Variants in NT5M observed in about 807,000 individuals in gnomAD.
The protein encoded by NT5M is 5'(3')-deoxyribonucleotidase, mitochondrial.
A neutral mutation model predicts 22.2 loss-of-function variants in NT5M; 22 were observed. The observed-to-expected ratio is 0.99, with a 90% confidence interval of 0.71 to 1.41. The LOEUF is 1.41. NT5M is among the 40% of genes most tolerant of loss of function. The pLI is 0.00. For missense variants in NT5M, 322 were observed against 314.8 expected (o/e 1.02, Z -0.17); for synonymous variants, 167 against 133.0 (o/e 1.26, Z -1.76).
At chr17:17,333,463 C>G (rs2049429984) in intron 3 of NT5M, 1 of 152,328 alleles carries the variant, frequency 6.6e-6, no homozygotes, top group African/African-American at 2.4e-5. Context: ...GCCGCCATGC[C>G]AAGCTAATTT....
chr17:17,314,480 G>T (rs781735245), intron 2 of NT5M, among the ~76,000 whole-genome samples: 1 of 152,092 alleles, frequency 6.6e-6, no homozygotes, highest in African/African-American at 2.4e-5. Flanking sequence ...CTTTTGAAGT[G>T]CACCCCCCTA....
chr17:17,323,114 G>C, intron 2 of NT5M, 71 bp from the exon 3 acceptor site: 1 of 1,211,772 alleles, frequency 8.3e-7, no homozygotes, highest in East Asian at 2.3e-5. Flanking sequence ...TGAAGGCAGG[G>C]CAGGTGGTGA....
rs537314998 is a variant in NT5M at position 17,314,892 on chromosome 17, G to A, written c.368+8249G>A. On this transcript the variant is annotated intron_variant, in intron 2 of 4. Transcript: ENST00000389022. ...GGCCTTCCCTGACCACTGCAGCTGA[G>A]GTCTCTGCCCTCCCCTCCTGGTCGT... Among the ~76,000 whole-genome samples the A allele has an allele frequency of 2.6e-3, 393 of 152,290 alleles. 1 individual carries two copies. The highest frequency in any genetic ancestry group is 4.0e-3 in the Non-Finnish European group (270 of 68,024).
chr17:17,306,579 T>C lies in NT5M; in HGVS notation c.304T>C (p.Phe102Leu). The change falls in exon 2 of 5, where the codon TTT becomes CTT. Residue 102 changes from phenylalanine (F) to leucine (L), a missense_variant. Physicochemically the swap from Phe to Leu is conservative, Grantham distance 22. Transcript: ENST00000389022. ...AISIWESKNF[F>L]FELEPLPGAV... ...CAGCATTTGGGAGTCAAAGAATTTC[T>C]TTTTTGAACTTGAGCCTCTGCCAGG... 1.9e-6 allele frequency: 3 copies of C among 1,613,954 alleles called. No homozygotes were observed. The highest frequency in any genetic ancestry group is 2.5e-6 in the Non-Finnish European group (3 of 1,179,942).
At chr17:17,311,301 G>A (rs2048917502) in intron 2 of NT5M, among the ~76,000 whole-genome samples, 1 of 151,424 alleles carries the variant, frequency 6.6e-6, no homozygotes, top group Non-Finnish European at 1.5e-5. Context: ...TTGCGCCACT[G>A]GACTCCAGCC....
chr17:17,314,185 C>T (rs1160990127), intron 2 of NT5M, among the ~76,000 whole-genome samples: 1 of 152,100 alleles, frequency 6.6e-6, no homozygotes, highest in African/African-American at 2.4e-5. Flanking sequence ...GGGCGCCCGC[C>T]ACCACGCCCG....
chr17:17,334,268 G>A (rs957490617), intron 3 of NT5M, among the ~76,000 whole-genome samples: 3 of 150,972 alleles, frequency 2.0e-5, no homozygotes, highest in East Asian at 2.0e-4. Context: ...TGCCTGGCTC[G>A]TTTTGAGTTA....
At chr17:17,318,511 C>T (rs985637613) in intron 2 of NT5M, among the ~76,000 whole-genome samples, 3 of 133,204 alleles carry the variant, frequency 2.3e-5, no homozygotes, top group Non-Finnish European at 3.2e-5. Flanking sequence ...AAAGTCTGGG[C>T]GCAGTGGCTC....
At chr17:17,319,180 C>T (rs1248180385) in intron 2 of NT5M, among the ~76,000 whole-genome samples, 1 of 150,018 alleles carries the variant, frequency 6.7e-6, no homozygotes, top group Non-Finnish European at 1.5e-5. Flanking sequence ...AGCTACTGCA[C>T]TCCAGCCTGG....
Position 17,321,865 on chromosome 17 carries a change from G to C in NT5M, c.369-1320G>C, listed in dbSNP as rs146442544. On this transcript the variant is annotated intron_variant, in intron 2 of 4. Coordinates refer to ENST00000389022, the MANE Select transcript of NT5M (RefSeq NM_020201.4). ...CCACGAGGCTGAAGAGTTGAGTACAGAATGAGATAATGCATTTGCTGAAGC... is the reference window on the plus strand; with the variant it reads ...CCACGAGGCTGAAGAGTTGAGTACACAATGAGATAATGCATTTGCTGAAGC... 9.2e-3 allele frequency among the ~76,000 whole-genome samples: 1,394 copies of C among 152,078 alleles called. 17 individuals are homozygous for C. Among genetic ancestry groups the C allele is most frequent in the Middle Eastern group, 0.017 (5 of 294 alleles).
Position 17,304,406 on chromosome 17 carries a change from A to T in NT5M, c.267+589A>T, listed in dbSNP as rs530766540. On this transcript the variant is annotated intron_variant, in intron 1 of 4. Coordinates refer to ENST00000389022, the MANE Select transcript of NT5M (RefSeq NM_020201.4). Reference sequence around the variant, plus strand: ...ACCTGAGCTCAACCCCTACCATCCGACTCCCGAGGTGTTCTGTCCAGGATG... The same window carrying T: ...ACCTGAGCTCAACCCCTACCATCCGTCTCCCGAGGTGTTCTGTCCAGGATG... 3.0e-6 allele frequency: 3 copies of T among 984,492 alleles called. No homozygotes were observed. In the African/African-American group the frequency reaches 5.3e-5, roughly 17 times the overall value. The allele number at this position is 984,492 out of a possible 1,614,324, so 61.0% of individuals were successfully genotyped here.
At chr17:17,324,546 C>G (rs1379639235) in intron 3 of NT5M, among the ~76,000 whole-genome samples, 1 of 151,926 alleles carries the variant, frequency 6.6e-6, no homozygotes, top group Non-Finnish European at 1.5e-5. Flanking sequence ...CATAGCGTGC[C>G]CTCTGTGTGC....
intron 2 of NT5M, 103 bp downstream of exon 2, chr17:17,306,746 C>T (rs1413552499): frequency 2.4e-6 from 2 of 835,802 alleles, no homozygotes; most frequent in African/African-American, 3.4e-5. Context: ...CTTTCTCTCT[C>T]CTTGGCCCTG....
intron 2 of NT5M, among the ~76,000 whole-genome samples, chr17:17,309,160 A>G (rs1409876725): frequency 7.2e-5 from 10 of 138,480 alleles, no homozygotes; most frequent in African/African-American, 2.5e-4. Context: ...GTCTTGCCCT[A>G]TCTCAAAAAG....
chr17:17,335,943 A>C (rs1051158137), intron 3 of NT5M, among the ~76,000 whole-genome samples: 1 of 142,086 alleles, frequency 7.0e-6, no homozygotes, highest in African/African-American at 2.6e-5. Flanking sequence ...TGAACAATTA[A>C]ATTATTTTTG....
intron 2 of NT5M, among the ~76,000 whole-genome samples, chr17:17,314,392 G>A (rs561958507): frequency 2.0e-4 from 30 of 152,142 alleles, no homozygotes; most frequent in African/African-American, 6.7e-4. Context: ...TGTGTCAGTT[G>A]ACCTCTCTCC....
chr17:17,328,010 G>C (rs546407487), intron 3 of NT5M, among the ~76,000 whole-genome samples: 2 of 152,338 alleles, frequency 1.3e-5, no homozygotes, highest in African/African-American at 4.8e-5. Context: ...GTATGGTCAT[G>C]TTCTTAGGGT....
intron 3 of NT5M, among the ~76,000 whole-genome samples, chr17:17,337,169 A>G (rs2049532518): frequency 6.6e-6 from 1 of 152,046 alleles, no homozygotes; most frequent in Non-Finnish European, 1.5e-5. Flanking sequence ...ATTTCCTTGT[A>G]GTTTGATTTG....
At chr17:17,313,489 G>GT (rs1303304916) in intron 2 of NT5M, among the ~76,000 whole-genome samples, 2 of 152,208 alleles carry the variant, frequency 1.3e-5, no homozygotes, top group Non-Finnish European at 2.9e-5. Flanking sequence ...GGACTCGTCA[G>GT]TAACTGAGTG....
Sources: gnomAD v4.1 joint callset for allele counts (sites outside exome capture counted in the v4.1 genomes callset) on GRCh38, gnomAD v4.1.1 for gene constraint, MANE v1.5 for transcripts, NCBI Gene and HGNC (gene_info 2026-07-23, HGNC 2026-07-21) for gene names.